SORCS1: variants seen among roughly 807,000 people sequenced by gnomAD.
The protein encoded by SORCS1 is VPS10 domain-containing receptor SorCS1.
In SORCS1, 60 loss-of-function variants were observed where a neutral mutation model predicts 146.1. The ratio of observed to expected loss-of-function variants is 0.41; its 90% CI spans 0.33 to 0.51. The LOEUF (loss-of-function observed/expected upper bound fraction) is 0.51, where lower values mean the gene tolerates loss of function less well. Among genes scored for constraint, SORCS1 ranks in the 20% least tolerant of loss-of-function variants. The probability of loss-of-function intolerance (pLI) is 0.21; values close to 1 mark genes in which losing one functional copy is unlikely to be tolerated. For missense variants in SORCS1, 1,352 were observed against 1,487.6 expected (o/e 0.91, Z 1.50); for synonymous variants, 637 against 584.0 (o/e 1.09, Z -1.31).
chr10:106,838,722 T>G (rs1052722118), intron 2 of SORCS1, among the ~76,000 whole-genome samples: 1 of 152,216 alleles, frequency 6.6e-6, no homozygotes, highest in African/African-American at 2.4e-5. Flanking sequence ...AACATTACAT[T>G]TTTTACAAAT....
At position 106,635,150 on chromosome 10, in the gene SORCS1, G is replaced by A. The variant is rs567870263; in HGVS notation, c.2476-5762C>T. Among the ~76,000 whole-genome samples, 5 of 152,288 alleles carry A rather than the reference G, an allele frequency of 3.3e-5. No homozygotes were observed. In the East Asian group the frequency reaches 9.7e-4, roughly 29 times the overall value. On this transcript the variant is annotated intron_variant, in intron 18 of 25. Coordinates refer to ENST00000263054, the MANE Select transcript of SORCS1 (RefSeq NM_052918.5). ...AAGGTGTGTGAACCTATCAGTTCCTGTAACACAGATTCAGAGAACACTGGG... is the reference window on the plus strand; with the variant it reads ...AAGGTGTGTGAACCTATCAGTTCCTATAACACAGATTCAGAGAACACTGGG...
intron 3 of SORCS1, among the ~76,000 whole-genome samples, chr10:106,809,062 A>G (rs1441315499): frequency 6.6e-6 from 1 of 152,188 alleles, no homozygotes; most frequent in African/African-American, 2.4e-5. Context: ...GATTCAAGCC[A>G]AGTCATCAGA....
intron 8 of SORCS1, among the ~76,000 whole-genome samples, chr10:106,703,755 G>A (rs1854304933): frequency 6.6e-6 from 1 of 152,166 alleles, no homozygotes; most frequent in Admixed American, 6.5e-5. Context: ...TGAAATATAT[G>A]CACCTTTGTT....
intron 2 of SORCS1, among the ~76,000 whole-genome samples, chr10:106,906,856 G>C (rs1225695168): frequency 6.6e-6 from 1 of 152,188 alleles, no homozygotes; most frequent in Non-Finnish European, 1.5e-5. Flanking sequence ...ATGTTCAACT[G>C]TAACACCCAG....
chr10:106,807,877 A>T (rs1476574764), intron 3 of SORCS1, among the ~76,000 whole-genome samples: 1 of 152,230 alleles, frequency 6.6e-6, no homozygotes. Context: ...TGCAATGTCA[A>T]TGCATTCTTT....
intron 2 of SORCS1, among the ~76,000 whole-genome samples, chr10:106,896,765 A>T (rs1281105466): frequency 6.6e-6 from 1 of 151,944 alleles, no homozygotes; most frequent in African/African-American, 2.4e-5. Context: ...ACAAATATTA[A>T]CACTTTATAT....
chr10:106,694,857 C>G (rs1445862107), intron 9 of SORCS1, among the ~76,000 whole-genome samples: 1 of 152,162 alleles, frequency 6.6e-6, no homozygotes, highest in Non-Finnish European at 1.5e-5. Flanking sequence ...CAACACAACC[C>G]TTTGCACTCA....
At chr10:106,978,449 G>A (rs1346042906) in intron 1 of SORCS1, among the ~76,000 whole-genome samples, 2 of 152,128 alleles carry the variant, frequency 1.3e-5, no homozygotes, top group African/African-American at 4.8e-5. Flanking sequence ...GAAATACAAA[G>A]TTTAATCTGA....
chr10:106,600,949 T>A (rs536491688), intron 23 of SORCS1, among the ~76,000 whole-genome samples: 36 of 152,336 alleles, frequency 2.4e-4, no homozygotes, highest in African/African-American at 7.7e-4. Flanking sequence ...CTCTCATTCA[T>A]CTGTGAAGCA....
intron 1 of SORCS1, among the ~76,000 whole-genome samples, chr10:106,998,868 G>C (rs1442627848): frequency 6.6e-6 from 1 of 152,222 alleles, no homozygotes; most frequent in Non-Finnish European, 1.5e-5. Context: ...ACAGTCTCTA[G>C]AGTAGAATCA....
chr10:107,067,933 G>T (rs975575658), intron 1 of SORCS1, among the ~76,000 whole-genome samples: 1 of 152,208 alleles, frequency 6.6e-6, no homozygotes, highest in Non-Finnish European at 1.5e-5. Flanking sequence ...GGATGATGAT[G>T]ACTCAAAGCT....
At chr10:107,118,274 G>C (rs1407617503) in intron 1 of SORCS1, among the ~76,000 whole-genome samples, 1 of 152,156 alleles carries the variant, frequency 6.6e-6, no homozygotes, top group Non-Finnish European at 1.5e-5. Flanking sequence ...TTGCTGCCTT[G>C]ATCTTGGACT....
chr10:106,622,529 A>T (rs2133513997), intron 19 of SORCS1, among the ~76,000 whole-genome samples: 1 of 152,310 alleles, frequency 6.6e-6, no homozygotes, highest in Non-Finnish European at 1.5e-5. Flanking sequence ...GTCTTTGTGC[A>T]TGCTACTCCC....
At chr10:106,610,697 T>G (rs1459774108) in intron 22 of SORCS1, among the ~76,000 whole-genome samples, 1 of 151,956 alleles carries the variant, frequency 6.6e-6, no homozygotes, top group Non-Finnish European at 1.5e-5. Context: ...GCCCTGGGAG[T>G]GGATAACTCA....
intron 3 of SORCS1, among the ~76,000 whole-genome samples, chr10:106,787,418 T>G (rs1946105459): frequency 6.6e-6 from 1 of 152,186 alleles, no homozygotes; most frequent in Admixed American, 6.5e-5. Context: ...AAAGTTCAAT[T>G]TTTATCATGC....
At chr10:107,026,426 T>C (rs752767624) in intron 1 of SORCS1, among the ~76,000 whole-genome samples, 8 of 152,046 alleles carry the variant, frequency 5.3e-5, no homozygotes, top group Non-Finnish European at 1.0e-4. Flanking sequence ...GAGACCATCC[T>C]GGCTAGCATG....
At chr10:107,041,180 T>C (rs562736991) in intron 1 of SORCS1, among the ~76,000 whole-genome samples, 1 of 152,006 alleles carries the variant, frequency 6.6e-6, no homozygotes, top group Non-Finnish European at 1.5e-5. Context: ...TAATTTGAAT[T>C]TAGGGAAAAA....
intron 4 of SORCS1, among the ~76,000 whole-genome samples, chr10:106,766,658 G>C (rs138631736): frequency 6.6e-6 from 1 of 152,286 alleles, no homozygotes; most frequent in East Asian, 1.9e-4. Context: ...GTTCCGTACA[G>C]AGAGCAGATA....
At chr10:106,605,287 CATAAGT>C (rs1390512135) in intron 23 of SORCS1, among the ~76,000 whole-genome samples, 1 of 152,212 alleles carries the variant, frequency 6.6e-6, no homozygotes, top group Non-Finnish European at 1.5e-5. Flanking sequence ...CACATCCATA[CATAAGT>C]ATAAGAAGTT....
Sources: allele counts gnomAD v4.1 joint callset (sites outside exome capture counted in the v4.1 genomes callset), GRCh38; gene constraint gnomAD v4.1.1; transcripts MANE v1.5; gene names NCBI Gene and HGNC (gene_info 2026-07-23, HGNC 2026-07-21).